The following CLIC6 variants were observed in gnomAD, a reference collection of about 807,000 sequenced individuals.
The protein encoded by CLIC6 is CLIC family member 6.
In CLIC6, 39 loss-of-function variants were observed where a neutral mutation model predicts 49.2. That is an observed-to-expected ratio of 0.79 (90% confidence interval 0.61 to 1.04). The LOEUF (loss-of-function observed/expected upper bound fraction) is 1.04. Ranked by LOEUF, CLIC6 falls within the 50% of genes least tolerant of loss-of-function variation. CLIC6 has a pLI of 0.00. For missense variants in CLIC6, 988 were observed against 993.1 expected, an observed-to-expected ratio of 0.99 and a Z score of 0.07; for synonymous variants, 446 against 433.4, an observed-to-expected ratio of 1.03 and a Z score of -0.36.
chr21:34,678,203 G>A (rs557382908), intron 1 of CLIC6, among the ~76,000 whole-genome samples: 6 of 151,880 alleles, frequency 4.0e-5, no homozygotes, highest in South Asian at 2.1e-4. Context: ...AGGCTGAGGC[G>A]GGCAGATCAC....
chr21:34,675,688 G>A (rs962159042), intron 1 of CLIC6, among the ~76,000 whole-genome samples: 2 of 152,092 alleles, frequency 1.3e-5, no homozygotes, highest in South Asian at 2.1e-4. Context: ...TGGGGGTGGG[G>A]ATACCCCTGC....
intron 5 of CLIC6, among the ~76,000 whole-genome samples, chr21:34,710,078 G>T (rs911428850): frequency 6.6e-6 from 1 of 151,732 alleles, no homozygotes; most frequent in African/African-American, 2.4e-5. Context: ...TTCAAGACCA[G>T]CCAGGGCAAC....
intron 5 of CLIC6, among the ~76,000 whole-genome samples, chr21:34,712,234 A>G (rs16992179): frequency 0.021 from 3,167 of 152,308 alleles, 117 homozygotes; most frequent in African/African-American, 0.071. Context: ...ATGAGAATCA[A>G]TCTAAGGGAA....
At chr21:34,686,333 A>T (rs1989878195) in intron 1 of CLIC6, among the ~76,000 whole-genome samples, 1 of 152,160 alleles carries the variant, frequency 6.6e-6, no homozygotes. Flanking sequence ...CTCAAGAGGC[A>T]GAGGTTGCTG....
chr21:34,682,960 C>T (rs139845072), intron 1 of CLIC6, among the ~76,000 whole-genome samples: 2,367 of 151,620 alleles, frequency 0.016, 21 homozygotes, highest in Non-Finnish European at 0.019. Context: ...TACAGGCGCC[C>T]GCCAACACGC....
At chr21:34,701,472 T>C (rs2145813971) in intron 1 of CLIC6, among the ~76,000 whole-genome samples, 1 of 152,302 alleles carries the variant, frequency 6.6e-6, no homozygotes, top group Admixed American at 6.5e-5. Context: ...ATGTTGATGA[T>C]GATAATGACA....
rs1163519454 is a variant in CLIC6 at position 34,707,337 on chromosome 21, A to T, written c.1432A>T (p.Ile478Phe). ...CCCGTTTTCTCAGCGTCTCTTTATG[A>T]TTCTCTGGCTGAAAGGCGTTATATT... ...NCPFSQRLFM[I>F]LWLKGVIFNV... Residue 478 changes from isoleucine to phenylalanine, a missense_variant, in exon 2 of 6, where the codon ATT (isoleucine) becomes TTT (phenylalanine). Coordinates refer to ENST00000349499, the MANE Select transcript of CLIC6 (RefSeq NM_053277.3). 1 of 1,613,724 alleles carries T rather than the reference A, an allele frequency of 6.2e-7. No individual in the cohort carries two copies. The highest frequency in any genetic ancestry group is 1.1e-5 in the South Asian group (1 of 91,064).
intron 5 of CLIC6, among the ~76,000 whole-genome samples, chr21:34,713,473 T>C (rs933379989): frequency 9.9e-5 from 15 of 152,186 alleles, no homozygotes; most frequent in African/African-American, 2.2e-4. Flanking sequence ...ATTGCTGAAA[T>C]TGATTTCCTC....
chr21:34,707,279 G>C lies in CLIC6; in HGVS notation c.1375-1G>C. ...ATAGAAATCTCCTTCTCCACTTGTA[G>C]GCTGGTTATGATGGTGAGAGTATCG... On this transcript the variant is annotated splice_acceptor_variant, in intron 1 of 5. Coordinates refer to ENST00000349499, the MANE Select transcript of CLIC6 (RefSeq NM_053277.3). LOFTEE classifies it high-confidence loss of function. The C allele has an allele frequency of 6.2e-7, 1 of 1,611,252 alleles. No individual in the cohort carries two copies.
chr21:34,697,473 C>T (rs1990108492), intron 1 of CLIC6, among the ~76,000 whole-genome samples: 2 of 152,118 alleles, frequency 1.3e-5, no homozygotes, highest in South Asian at 4.1e-4. Flanking sequence ...TTTGGTCCCA[C>T]CTCCTCAGCA....
chr21:34,705,879 A>T (rs1395438235), intron 1 of CLIC6: 6 of 450,792 alleles, frequency 1.3e-5, no homozygotes, highest in Non-Finnish European at 2.4e-5. Context: ...AACTTCTCAC[A>T]GCATGGTTTC....
chr21:34,712,791 T>A (rs774241994), intron 5 of CLIC6, among the ~76,000 whole-genome samples: 4 of 152,212 alleles, frequency 2.6e-5, no homozygotes, highest in Non-Finnish European at 5.9e-5. Context: ...TTGCCCAAAC[T>A]TCGTTTCTAG....
chr21:34,672,701 C>T (rs967697991), intron 1 of CLIC6, among the ~76,000 whole-genome samples: 2 of 152,206 alleles, frequency 1.3e-5, no homozygotes, highest in African/African-American at 2.4e-5. Context: ...GTGTGGTGAT[C>T]AAGAACACGG....
intron 1 of CLIC6, among the ~76,000 whole-genome samples, chr21:34,691,671 C>G (rs1443163906): frequency 6.6e-6 from 1 of 152,202 alleles, no homozygotes; most frequent in East Asian, 1.9e-4. Context: ...TACCATCCCA[C>G]TCTACCATTG....
At chr21:34,690,185 C>A (rs1989964829) in intron 1 of CLIC6, among the ~76,000 whole-genome samples, 1 of 152,164 alleles carries the variant, frequency 6.6e-6, no homozygotes, top group African/African-American at 2.4e-5. Flanking sequence ...GTCCGGCTCA[C>A]AGCTCAGAGA....
rs1033621466 is a variant in CLIC6, at chr21:34,711,699, C to T, written c.1899+2161C>T. Among the ~76,000 whole-genome samples, 9 of 152,264 alleles carry T rather than the reference C, an allele frequency of 5.9e-5. 1 individual carries two copies. Among genetic ancestry groups the T allele is most frequent in the South Asian group, 4.1e-4 (2 of 4,820 alleles). ...TCTTCTTTCTATCCTCTTCCCCTCTCGGTCCTGGCCCTGTTGCTCCCTTCT... is the reference window on the plus strand; with the variant it reads ...TCTTCTTTCTATCCTCTTCCCCTCTTGGTCCTGGCCCTGTTGCTCCCTTCT... On this transcript the variant is annotated intron_variant, in intron 5 of 5. Transcript: ENST00000349499.
At chr21:34,702,621 A>C (rs2055987864) in intron 1 of CLIC6, among the ~76,000 whole-genome samples, 1 of 152,096 alleles carries the variant, frequency 6.6e-6, no homozygotes, top group Admixed American at 6.5e-5. Context: ...GGCGCAGCGG[A>C]GGTGGGGAGG....
At chr21:34,688,998 G>A (rs1013735516) in intron 1 of CLIC6, among the ~76,000 whole-genome samples, 2 of 152,166 alleles carry the variant, frequency 1.3e-5, no homozygotes, top group Non-Finnish European at 2.9e-5. Context: ...TAATCTCTCA[G>A]GGCACCTTTG....
intron 1 of CLIC6, among the ~76,000 whole-genome samples, chr21:34,681,507 G>T (rs1003191467): frequency 1.3e-5 from 2 of 152,198 alleles, no homozygotes; most frequent in African/African-American, 2.4e-5. Flanking sequence ...GGTTTCATCA[G>T]AAGGATTGAT....
Sources: allele counts gnomAD v4.1 joint callset (sites outside exome capture counted in the v4.1 genomes callset), GRCh38; gene constraint gnomAD v4.1.1; transcripts MANE v1.5; gene names NCBI Gene and HGNC (gene_info 2026-07-23, HGNC 2026-07-21).